The following ZRANB1 variants were observed in gnomAD, a reference collection of about 807,000 sequenced individuals.
ZRANB1 encodes zinc finger RANBP2-type containing 1, also known as ubiquitin thioesterase ZRANB1.
Under a neutral mutation model 80.5 loss-of-function variants are expected in ZRANB1, and 16 were observed. The ratio of observed to expected loss-of-function variants is 0.20; its 90% CI spans 0.13 to 0.30. ZRANB1 has a LOEUF of 0.30. Ranked by LOEUF, ZRANB1 falls within the 10% of genes least tolerant of loss-of-function variation. The pLI, the probability that ZRANB1 is intolerant of heterozygous loss-of-function variation, is 1.00. For synonymous variants in ZRANB1, 291 were observed against 293.1 expected, an observed-to-expected ratio of 0.99 and a Z score of 0.07; for missense variants, 576 against 862.6, an observed-to-expected ratio of 0.67 and a Z score of 4.16.
rs781263056 is a variant in ZRANB1 at position 124,984,748 on chromosome 10, C to A, written c.1909-26C>A. The A allele has an allele frequency of 2.5e-6, 4 of 1,606,414 alleles. No homozygotes were observed. The East Asian group carries it at 8.9e-5, about 36-fold the overall frequency. On this transcript the variant is annotated intron_variant, in intron 8 of 8. Transcript: ENST00000359653. ...GTCTCTGATCTGTTGTATGATTTTC[C>A]CTTTGTCTTCATATTCCTCCAAAAG...
At chr10:124,977,895 A>G (rs926787427) in intron 5 of ZRANB1, among the ~76,000 whole-genome samples, 3 of 152,088 alleles carry the variant, frequency 2.0e-5, no homozygotes, top group African/African-American at 4.8e-5. Context: ...AGGATGCTTC[A>G]GGAGTGAGCA....
At chr10:124,971,056 C>T (rs955730881) in intron 2 of ZRANB1, among the ~76,000 whole-genome samples, 2 of 151,854 alleles carry the variant, frequency 1.3e-5, no homozygotes, top group Admixed American at 6.6e-5. Context: ...ACTGCTGAGC[C>T]GAAGCAATCC....
upstream of ZRANB1, chr10:124,940,425 T>C (rs1951524715): frequency 3.7e-6 from 4 of 1,077,694 alleles, no homozygotes; most frequent in South Asian, 1.3e-5. Context: ...CAGTATCTCC[T>C]GAGGAAGTCA....
chr10:124,932,934 C>T, the ZRANB1 span, among the ~76,000 whole-genome samples: 2 of 152,102 alleles, frequency 1.3e-5, no homozygotes, highest in Non-Finnish European at 2.9e-5. Flanking sequence ...GGTGTCTGTT[C>T]AGATCTTTTG....
At chr10:124,929,718 C>T in the ZRANB1 span, among the ~76,000 whole-genome samples, 5 of 151,492 alleles carry the variant, frequency 3.3e-5, no homozygotes, top group Non-Finnish European at 7.4e-5. Flanking sequence ...GAGGCCGAGG[C>T]GGGTGGATCA....
At chr10:124,936,212 C>T in the ZRANB1 span, among the ~76,000 whole-genome samples, 2 of 152,048 alleles carry the variant, frequency 1.3e-5, no homozygotes, top group African/African-American at 4.8e-5. Context: ...AGAGTTTATA[C>T]TGTTGCAGAA....
At position 124,983,297 on chromosome 10, in the gene ZRANB1, G is replaced by C; in HGVS notation, c.1671G>C (p.Arg557=). 6.2e-7 allele frequency: 1 copy of C among 1,613,582 alleles called. No homozygotes were observed. Among genetic ancestry groups the C allele is most frequent in the Non-Finnish European group, 8.5e-7 (1 of 1,179,814 alleles). Residue 557 remains arginine (R), a synonymous_variant, in exon 7 of 9, where the codon CGG becomes CGC. Coordinates refer to ENST00000359653, the MANE Select transcript of ZRANB1 (RefSeq NM_017580.3). The surrounding 1 kb of genome is among the most constrained non-coding windows in gnomAD (Gnocchi z 6.2). ...GGGGAGAAACTTTAGGATATACTCGGTTTCAAGGTAAGCCATTATTCAGGA... is the reference window on the plus strand; with the variant it reads ...GGGGAGAAACTTTAGGATATACTCGCTTTCAAGGTAAGCCATTATTCAGGA... ...SFRGETLGYT[R]FQGVYLPLLW... is the part of the protein sequence containing the mutation.
chr10:124,948,425 T>C (rs1229393119), intron 1 of ZRANB1, among the ~76,000 whole-genome samples: 2 of 152,114 alleles, frequency 1.3e-5, no homozygotes, highest in East Asian at 3.9e-4. Context: ...GTCCCCCTAA[T>C]CTCCATGTTG....
intron 1 of ZRANB1, among the ~76,000 whole-genome samples, chr10:124,963,960 G>A (rs1190630656): frequency 6.6e-6 from 1 of 152,112 alleles, no homozygotes; most frequent in Non-Finnish European, 1.5e-5. Flanking sequence ...TTCATGCTCT[G>A]GGAAGTTTGG....
chr10:124,919,288 T>C, the ZRANB1 span, among the ~76,000 whole-genome samples: 1 of 152,226 alleles, frequency 6.6e-6, no homozygotes, highest in East Asian at 1.9e-4. Flanking sequence ...CTCATGCCTA[T>C]AATCCCAGCA....
chr10:124,984,930 C>T lies in ZRANB1; in HGVS notation c.2065C>T (p.Gln689Ter). The change falls in exon 9 of 9, where the codon CAG becomes TAG. Residue 689 changes from glutamine (Q) to a stop codon, truncating the protein, a stop_gained. Transcript: ENST00000359653. LOFTEE classifies it high-confidence loss of function. ...MVEKWLDRYR[Q>*]IRPCTSLSDG... ...AGAAAAATGGCTTGACCGCTACCGA[C>T]AGATCCGGCCGTGTACATCCCTGTC... is the stretch of plus-strand genomic sequence containing the variant. 1 of 1,613,802 alleles carries T rather than the reference C, an allele frequency of 6.2e-7. No homozygotes were observed. The highest frequency in any genetic ancestry group is 8.5e-7 in the Non-Finnish European group (1 of 1,179,982).
At chr10:124,958,217 C>T (rs374103866) in intron 1 of ZRANB1, among the ~76,000 whole-genome samples, 1 of 152,136 alleles carries the variant, frequency 6.6e-6, no homozygotes, top group Non-Finnish European at 1.5e-5. Flanking sequence ...AGACAACTTG[C>T]GACTAGCATG....
Position 124,986,932 on chromosome 10 carries a change from G to C in ZRANB1, c.*1940G>C, listed in dbSNP as rs1952060505. The C allele has an allele frequency of 1.3e-5, 2 of 152,340 alleles. No individual in the cohort carries two copies. The highest frequency in any genetic ancestry group is 2.9e-5 in the Non-Finnish European group (2 of 68,032). 9.4% of individuals were successfully genotyped at this position (152,340 alleles called of 1,614,324 possible). A position where few individuals can be genotyped will look rare whatever the true frequency, so the allele number is the denominator to read the frequency against. On this transcript the variant is annotated 3_prime_UTR_variant, in exon 9 of 9. Transcript: ENST00000359653. ...GCACTTAGCTTCTACTGTGTGTTGTGGTCTGGTGAGTGTTGTTTCCCCTGA... is the reference window on the plus strand; with the variant it reads ...GCACTTAGCTTCTACTGTGTGTTGTCGTCTGGTGAGTGTTGTTTCCCCTGA...
chr10:124,985,383 GCT>G lies in ZRANB1; in HGVS notation c.*394_*395del, dbSNP rs543888287. The stretch of plus-strand genomic sequence containing the variant: ...ACTTAGAAAAAGCACATGGCAAATG[GCT>G]CTTTGTTCCTTTCAGATATTATTTC... On this transcript the variant is annotated 3_prime_UTR_variant, in exon 9 of 9. Coordinates refer to ENST00000359653, the MANE Select transcript of ZRANB1 (RefSeq NM_017580.3). 336 of 163,358 alleles carry G rather than the reference GCT, an allele frequency of 2.1e-3. 2 individuals are homozygous for G. The Middle Eastern group carries it at 0.027, about 13-fold the overall frequency. The allele number at this position is 163,358 out of a possible 1,614,324, so 10.1% of individuals were successfully genotyped here.
chr10:124,966,531 A>T, intron 1 of ZRANB1, 63 bp from the exon 2 acceptor site: 1 of 1,521,154 alleles, frequency 6.6e-7, no homozygotes, highest in Non-Finnish European at 9.0e-7. Context: ...AGTGATTGCT[A>T]CGGTTTGTGT....
At chr10:124,977,369 T>C (rs1951886766) in intron 5 of ZRANB1, among the ~76,000 whole-genome samples, 1 of 150,830 alleles carries the variant, frequency 6.6e-6, no homozygotes, top group Admixed American at 6.7e-5. Context: ...GAGCTGGCTA[T>C]GGATGATCTT....
chr10:124,919,125 CAT>C, the ZRANB1 span, among the ~76,000 whole-genome samples: 3 of 152,184 alleles, frequency 2.0e-5, no homozygotes, highest in African/African-American at 7.2e-5. Context: ...TGAGGATTAA[CAT>C]AGTTTTGGAA....
At chr10:124,927,384 C>T in the ZRANB1 span, among the ~76,000 whole-genome samples, 4 of 152,206 alleles carry the variant, frequency 2.6e-5, no homozygotes, top group African/African-American at 9.7e-5. Flanking sequence ...TGAAACAATA[C>T]ACTTGTGAGT....
rs1348841236 is a variant in ZRANB1, at chr10:124,986,289, G to GCACACACACACACACACACACACA, written c.*1298_*1299insACACACACACACACACACACACAC. ...AAAGACGACACACGCACGCGCGCGC[G>GCACACACACACACACACACACACA]CGCACACACACACACACACACACAC... On this transcript the variant is annotated 3_prime_UTR_variant, in exon 9 of 9. Coordinates refer to ENST00000359653, the MANE Select transcript of ZRANB1 (RefSeq NM_017580.3). The GCACACACACACACACACACACACA allele has an allele frequency of 9.2e-6, 1 of 108,356 alleles. No homozygotes were observed. Among genetic ancestry groups the GCACACACACACACACACACACACA allele is most frequent in the African/African-American group, 3.6e-5 (1 of 27,544 alleles). The allele number at this position is 108,356 out of a possible 1,614,324, so 6.7% of individuals were successfully genotyped here.
Sources: gnomAD v4.1 joint callset for allele counts (sites outside exome capture counted in the v4.1 genomes callset) on GRCh38, gnomAD v4.1.1 for gene constraint, Gnocchi (gnomAD v3.1) non-coding constraint, MANE v1.5 for transcripts, NCBI Gene and HGNC (gene_info 2026-07-23, HGNC 2026-07-21) for gene names.